Variants in GTF3C5 observed in about 807,000 individuals in gnomAD.
GTF3C5 encodes the protein general transcription factor IIIC subunit 5.
A neutral mutation model predicts 61.0 loss-of-function variants in GTF3C5; 47 were observed. The observed-to-expected ratio is 0.77, with a 90% CI of 0.61 to 0.98. GTF3C5 has a LOEUF of 0.98. Among genes scored for constraint, GTF3C5 ranks in the 50% least tolerant of loss-of-function variants. The pLI is 0.00. For synonymous variants in GTF3C5, 295 were observed against 275.4 expected (o/e 1.07, Z -0.71); for missense variants, 659 against 703.3 (o/e 0.94, Z 0.71).
At chr9:133,047,223 A>G (rs1019421373) in intron 3 of GTF3C5, among the ~76,000 whole-genome samples, 8 of 152,042 alleles carry the variant, frequency 5.3e-5, no homozygotes, top group Admixed American at 6.5e-5. Flanking sequence ...GTCCTTGTTC[A>G]CTTTTTCCCG....
At chr9:133,033,842 A>G in intron 1 of GTF3C5, among the ~76,000 whole-genome samples, 1 of 152,170 alleles carries the variant, frequency 6.6e-6, no homozygotes, top group East Asian at 1.9e-4. Context: ...TTCAATTGCT[A>G]GAGTTTGCTT....
intron 5 of GTF3C5, among the ~76,000 whole-genome samples, chr9:133,052,372 C>T (rs1032837699): frequency 3.3e-5 from 4 of 121,702 alleles, no homozygotes; most frequent in Non-Finnish European, 6.8e-5. Flanking sequence ...CCTAGCACCT[C>T]CCCCGTCCTG....
rs551874709 is a variant in GTF3C5, at chr9:133,057,009, G to T, written c.1393+101G>T. ...CCCATTCCTGGGAAATGGCACCCAG[G>T]TGGCATCATCTTGCCCCTGGCCCTG... On this transcript the variant is annotated intron_variant, in intron 10 of 10. Transcript: ENST00000372097. 1,677 of 1,209,492 alleles carry T rather than the reference G, an allele frequency of 1.4e-3. 4 individuals carry two copies. The highest frequency in any genetic ancestry group is 1.5e-3 in the Non-Finnish European group (1,372 of 888,990). 74.9% of individuals were successfully genotyped at this position (1,209,492 alleles called of 1,614,324 possible).
chr9:133,030,831 C>G (rs1057167487), upstream of GTF3C5: 4 of 719,674 alleles, frequency 5.6e-6, no homozygotes, highest in African/African-American at 1.8e-5. Context: ...TTCCCGAAGA[C>G]ATGGGCCCTC....
chr9:133,047,195 C>G (rs866455957), intron 3 of GTF3C5, among the ~76,000 whole-genome samples: 1 of 152,068 alleles, frequency 6.6e-6, no homozygotes, highest in African/African-American at 2.4e-5. Context: ...TAGCACTCCC[C>G]AACATCACCC....
chr9:133,053,661 C>T (rs544627197), intron 5 of GTF3C5, among the ~76,000 whole-genome samples, 167 bp from the exon 6 acceptor site: 3 of 152,328 alleles, frequency 2.0e-5, no homozygotes, highest in African/African-American at 4.8e-5. Flanking sequence ...GGAAAGGCCA[C>T]GTGCCCTCAC....
intron 3 of GTF3C5, among the ~76,000 whole-genome samples, chr9:133,049,967 T>C (rs1850321949): frequency 6.6e-6 from 1 of 152,150 alleles, no homozygotes; most frequent in Non-Finnish European, 1.5e-5. Context: ...GACATTGGGG[T>C]TCCCTCTTGG....
chr9:133,057,429 G>C (rs927025775), intron 10 of GTF3C5, among the ~76,000 whole-genome samples: 2 of 152,188 alleles, frequency 1.3e-5, no homozygotes, highest in Admixed American at 1.3e-4. Flanking sequence ...CCCAGGCTTG[G>C]GGAGGAGGCA....
chr9:133,039,018 C>T (rs771258074), intron 1 of GTF3C5, among the ~76,000 whole-genome samples: 22 of 152,170 alleles, frequency 1.4e-4, no homozygotes, highest in Non-Finnish European at 2.5e-4. Context: ...ACTTAGAGTC[C>T]GTCCTCTTTA....
chr9:133,039,450 C>A (rs1849973359), intron 1 of GTF3C5, among the ~76,000 whole-genome samples: 1 of 152,132 alleles, frequency 6.6e-6, no homozygotes, highest in African/African-American at 2.4e-5. Flanking sequence ...GTCACCAAGG[C>A]TGGAGTGCAG....
At position 133,050,954 on chromosome 9, in the gene GTF3C5, G is replaced by A; in HGVS notation, c.744G>A (p.Arg248=). ...WRRVCTNPVD[R]KVEEELRKLF... Reference sequence around the variant, plus strand: ...GAGTCTGCACTAACCCCGTGGACCGGAAGGTGGAGGAGGAGCTGAGGAAGG... The same window carrying A: ...GAGTCTGCACTAACCCCGTGGACCGAAAGGTGGAGGAGGAGCTGAGGAAGG... Residue 248 remains arginine (R), a synonymous_variant, in exon 4 of 11, where the codon CGG becomes CGA. Coordinates refer to ENST00000372097, the MANE Select transcript of GTF3C5 (RefSeq NM_012087.4). The A allele has an allele frequency of 6.2e-7, 1 of 1,611,086 alleles. No individual in the cohort carries two copies. Among genetic ancestry groups the A allele is most frequent in the Non-Finnish European group, 8.5e-7 (1 of 1,178,736 alleles).
chr9:133,043,328 A>G (rs1287507827), intron 2 of GTF3C5, among the ~76,000 whole-genome samples: 5 of 152,232 alleles, frequency 3.3e-5, no homozygotes, highest in Admixed American at 6.5e-5. Context: ...GACTGGCAGC[A>G]TCAGCCTCAC....
At position 133,052,294 on chromosome 9, in the gene GTF3C5, C is replaced by G. The variant is rs78074149; in HGVS notation, c.873+130C>G. ...CTGGCTCCCCATCCTTCCTGCCCCA[C>G]CCCCATCCTGGCCCATCCTTCCTAC... is the stretch of plus-strand genomic sequence containing the variant. On this transcript the variant is annotated intron_variant, in intron 5 of 10. Transcript: ENST00000372097. The G allele has an allele frequency of 5.1e-3, 2,924 of 575,680 alleles. 62 individuals are homozygous for G. The highest frequency in any genetic ancestry group is 0.045 in the African/African-American group (2,360 of 51,874). 35.7% of individuals were successfully genotyped at this position (575,680 alleles called of 1,614,324 possible).
intron 1 of GTF3C5, 115 bp downstream of exon 1, chr9:133,031,279 G>GAGCAGCACC: frequency 1.2e-6 from 1 of 842,832 alleles, no homozygotes; most frequent in South Asian, 1.7e-5. Context: ...GCAGAAGGGT[G>GAGCAGCACC]CTGCTCGCTC....
chr9:133,055,110 G>A, intron 8 of GTF3C5: 1 of 1,550,056 alleles, frequency 6.5e-7, no homozygotes, highest in Admixed American at 2.0e-5. Flanking sequence ...CCCCCACTGA[G>A]CCACGTGACC....
chr9:133,055,574 G>A (rs1355543935), intron 8 of GTF3C5: 2 of 985,346 alleles, frequency 2.0e-6, no homozygotes, highest in Non-Finnish European at 2.4e-6. Flanking sequence ...GGAAAGGAGA[G>A]AGCAAACACT....
chr9:133,046,557 G>T (rs1407915841), intron 3 of GTF3C5, among the ~76,000 whole-genome samples: 1 of 152,206 alleles, frequency 6.6e-6, no homozygotes, highest in Non-Finnish European at 1.5e-5. Flanking sequence ...TCCTCATTAT[G>T]TGTTTCCTTT....
In GTF3C5 at chr9:133,056,863, A is replaced by G; in HGVS notation, c.1348A>G (p.Thr450Ala). The G allele has an allele frequency of 6.2e-7, 1 of 1,610,376 alleles. No individual in the cohort carries two copies. The highest frequency in any genetic ancestry group is 1.7e-5 in the Admixed American group (1 of 59,588). The change falls in exon 10 of 11, where the codon ACC becomes GCC. Residue 450 changes from threonine to alanine, a missense_variant. Transcript: ENST00000372097. Reference protein sequence around the residue: ...LPKTSDELRDTMSLMIRQTIR... With the variant: ...LPKTSDELRDAMSLMIRQTIR... Reference sequence around the variant, plus strand: ...CAAGACCAGCGACGAGCTCAGGGACACCATGTCCCTCATGATCCGGCAGAC... The same window carrying G: ...CAAGACCAGCGACGAGCTCAGGGACGCCATGTCCCTCATGATCCGGCAGAC...
chr9:133,057,011 G>T, intron 10 of GTF3C5, 103 bp downstream of exon 10: 1 of 1,173,510 alleles, frequency 8.5e-7, no homozygotes, highest in South Asian at 1.6e-5. Context: ...GCACCCAGGT[G>T]GCATCATCTT....
Sources: allele counts gnomAD v4.1 joint callset (sites outside exome capture counted in the v4.1 genomes callset), GRCh38; gene constraint gnomAD v4.1.1; transcripts MANE v1.5; gene names NCBI Gene and HGNC (gene_info 2026-07-23, HGNC 2026-07-21).